The following EXOC1L variants were observed in gnomAD, a reference collection of about 807,000 sequenced individuals.
The protein encoded by EXOC1L is exocyst complex component 1 like.
Under a neutral mutation model 4.9 loss-of-function variants are expected in EXOC1L, and 10 were observed. The ratio of observed to expected loss-of-function variants is 2.02; its 90% confidence interval spans 1.25 to 3.43. The LOEUF is 3.43. EXOC1L is among the 30% of genes most tolerant of loss of function. The probability of loss-of-function intolerance (pLI) is 0.00; values close to 1 mark genes in which losing one functional copy is unlikely to be tolerated. For missense variants in EXOC1L, 114 were observed against 59.4 expected (o/e 1.92, Z -3.02); for synonymous variants, 41 against 20.8 (o/e 1.97, Z -2.63).
chr4:55,828,411 A>G (rs1187165528), intron 1 of EXOC1L, among the ~76,000 whole-genome samples: 1 of 152,096 alleles, frequency 6.6e-6, no homozygotes, highest in Non-Finnish European at 1.5e-5. Context: ...AAACTTCACC[A>G]TCCTCTTGAT....
Sources: gnomAD v4.1 joint callset for allele counts (sites outside exome capture counted in the v4.1 genomes callset) on GRCh38, gnomAD v4.1.1 for gene constraint, MANE v1.5 for transcripts, NCBI Gene and HGNC (gene_info 2026-07-23, HGNC 2026-07-21) for gene names.